NCOA6: variants seen among roughly 807,000 people sequenced by gnomAD.
The protein encoded by NCOA6 is nuclear receptor coactivator 6, also known as NRC RAP250.
Under a neutral mutation model 171.4 loss-of-function variants are expected in NCOA6, and 49 were observed. That is an observed-to-expected ratio of 0.29 (90% confidence interval 0.23 to 0.36). The LOEUF (loss-of-function observed/expected upper bound fraction) is 0.36, where lower values mean the gene tolerates loss of function less well. Among genes scored for constraint, NCOA6 ranks in the 10% least tolerant of loss-of-function variants. The pLI is 1.00. For synonymous variants in NCOA6, 910 were observed against 927.5 expected (o/e 0.98, Z 0.34); for missense variants, 2,248 against 2,554.5 (o/e 0.88, Z 2.59).
rs2075827056 is a variant in NCOA6 at position 34,732,779 on chromosome 20, GA to G, written c.5963-185del. 9.7e-6 allele frequency: 5 copies of G among 515,742 alleles called. No individual in the cohort carries two copies. In the Admixed American group the frequency reaches 1.4e-4, roughly 15 times the overall value. The allele number at this position is 515,742 out of a possible 1,614,324, so 31.9% of individuals were successfully genotyped here. ...ACAACTTGGTTTGTTTGGGACATAAGACACTTGGTCTATTTTTATTTCTACT... is the reference window on the plus strand; with the variant it reads ...ACAACTTGGTTTGTTTGGGACATAAGCACTTGGTCTATTTTTATTTCTACT... On this transcript the variant is annotated intron_variant, in intron 12 of 14. Transcript: ENST00000359003.
Position 34,727,288 on chromosome 20 carries a change from C to T in NCOA6, c.6119G>A (p.Arg2040Gln), listed in dbSNP as rs776618673. Reference protein sequence around the residue: ...VENGHRKRSSRPASASSSTKD... With the variant: ...VENGHRKRSSQPASASSSTKD... ...AGTAGAGCTGGAGGCTGAAGCAGGTCGAGAAGATCGTTTACGATGTCCATT... is the reference window on the plus strand; with the variant it reads ...AGTAGAGCTGGAGGCTGAAGCAGGTTGAGAAGATCGTTTACGATGTCCATT... The change falls in exon 14 of 15, where the codon CGA becomes CAA. Residue 2040 changes from arginine (R) to glutamine (Q), a missense_variant. By Grantham distance (43) the Arg-to-Gln change is conservative. Coordinates refer to ENST00000359003, the MANE Select transcript of NCOA6 (RefSeq NM_014071.5). 4 of 1,614,140 alleles carry T rather than the reference C, an allele frequency of 2.5e-6. No individual in the cohort carries two copies. The highest frequency in any genetic ancestry group is 2.5e-6 in the Non-Finnish European group (3 of 1,180,022).
intron 1 of NCOA6, among the ~76,000 whole-genome samples, chr20:34,804,983 T>C (rs181363636): frequency 2.2e-4 from 34 of 152,106 alleles, no homozygotes; most frequent in Admixed American, 2.0e-3. Context: ...TCTCTTTTTA[T>C]CCTTCCCCTG....
At chr20:34,805,291 C>T (rs2078410042) in intron 1 of NCOA6, among the ~76,000 whole-genome samples, 1 of 152,166 alleles carries the variant, frequency 6.6e-6, no homozygotes. Flanking sequence ...AATCCACCCA[C>T]CTGGGCCTCT....
At chr20:34,783,554 T>C (rs1481575236) in intron 2 of NCOA6, among the ~76,000 whole-genome samples, 1 of 152,226 alleles carries the variant, frequency 6.6e-6, no homozygotes, top group African/African-American at 2.4e-5. Flanking sequence ...AAAAATGGCA[T>C]GGAAACCTAA....
intron 9 of NCOA6, among the ~76,000 whole-genome samples, chr20:34,748,329 T>C (rs2076366360): frequency 6.6e-6 from 1 of 152,200 alleles, no homozygotes; most frequent in African/African-American, 2.4e-5. Flanking sequence ...ACACCATGAT[T>C]AGCTTTTAAA....
intron 1 of NCOA6, among the ~76,000 whole-genome samples, chr20:34,812,705 A>T (rs2078706600): frequency 6.6e-6 from 1 of 152,184 alleles, no homozygotes; most frequent in African/African-American, 2.4e-5. Context: ...CAAATGAATA[A>T]TACAAAAACA....
At chr20:34,788,111 C>A (rs1044463810) in intron 2 of NCOA6, among the ~76,000 whole-genome samples, 1 of 152,070 alleles carries the variant, frequency 6.6e-6, no homozygotes. Context: ...AAGCAATCCG[C>A]CCACCTTGGC....
rs777853315 is a variant in NCOA6, at chr20:34,749,684, C to T, written c.2511G>A (p.Gln837=). Residue 837 remains glutamine, a synonymous_variant, in exon 9 of 15, where the codon CAG becomes CAA. Coordinates refer to ENST00000359003, the MANE Select transcript of NCOA6 (RefSeq NM_014071.5). ...AGTGGTTTCCCGAGGCACTGTTTCCCTGCATGGCCTGCACATGAGGGGGGA... is the reference window on the plus strand; with the variant it reads ...AGTGGTTTCCCGAGGCACTGTTTCCTTGCATGGCCTGCACATGAGGGGGGA... ...NMVPPHVQAM[Q]GNSASGNHFS... 1.2e-6 allele frequency: 2 copies of T among 1,614,072 alleles called. No homozygotes were observed. The highest frequency in any genetic ancestry group is 2.7e-5 in the African/African-American group (2 of 74,934).
intron 1 of NCOA6, among the ~76,000 whole-genome samples, chr20:34,799,592 C>T (rs757642448): frequency 1.3e-5 from 2 of 151,954 alleles, no homozygotes; most frequent in African/African-American, 2.4e-5. Flanking sequence ...AGCAGCAAGA[C>T]AATAGAAACA....
chr20:34,796,003 ATTTTTTTT>A (rs569229378), intron 1 of NCOA6, among the ~76,000 whole-genome samples: 5 of 95,774 alleles, frequency 5.2e-5, no homozygotes, highest in Admixed American at 1.3e-4. Flanking sequence ...ATATGTTTGA[ATTTTTTTT>A]TTTTTTTTTT....
intron 12 of NCOA6, 21 bp from the exon 13 acceptor site, chr20:34,732,616 T>C (rs763806487): frequency 1.5e-5 from 24 of 1,609,636 alleles, no homozygotes; most frequent in Non-Finnish European, 2.0e-5. Context: ...ATATAAAGGA[T>C]AGAAATGAAA....
chr20:34,732,231 A>C (rs1280154821), intron 13 of NCOA6, among the ~76,000 whole-genome samples: 1 of 152,218 alleles, frequency 6.6e-6, no homozygotes, highest in Non-Finnish European at 1.5e-5. Flanking sequence ...AGCTGCAAGG[A>C]CTATTATTAA....
At chr20:34,815,213 CA>C (rs1555859856) in intron 1 of NCOA6, among the ~76,000 whole-genome samples, 153 of 140,438 alleles carry the variant, frequency 1.1e-3, no homozygotes, top group Admixed American at 1.5e-3. Flanking sequence ...TTCTCTACCC[CA>C]AAAAAAAAAA....
Position 34,793,997 on chromosome 20 carries a change from T to C in NCOA6, c.-163-1434A>G, listed in dbSNP as rs190609476. Among the ~76,000 whole-genome samples, 350 of 152,334 alleles carry C rather than the reference T, an allele frequency of 2.3e-3. 4 individuals are homozygous for C. Among genetic ancestry groups the C allele is most frequent in the African/African-American group, 8.0e-3 (333 of 41,574 alleles). On this transcript the variant is annotated intron_variant, in intron 1 of 14. Coordinates refer to ENST00000359003, the MANE Select transcript of NCOA6 (RefSeq NM_014071.5). ...GAAGCAAAAAACAATTTTTCACTCA[T>C]CAGATTAGCAAAACTCCAAAAATTT... is the stretch of plus-strand genomic sequence containing the variant.
chr20:34,726,843 G>T (rs1490783581), intron 14 of NCOA6, among the ~76,000 whole-genome samples: 2 of 150,678 alleles, frequency 1.3e-5, no homozygotes, highest in African/African-American at 4.9e-5. Flanking sequence ...TGCAATTCCA[G>T]CTTTGGAAGG....
intron 3 of NCOA6, among the ~76,000 whole-genome samples, chr20:34,778,797 A>G (rs549647537): frequency 6.6e-6 from 1 of 152,072 alleles, no homozygotes; most frequent in Non-Finnish European, 1.5e-5. Context: ...TCTCTACTAA[A>G]AAATACAAAA....
Position 34,758,861 on chromosome 20 carries a change from G to A in NCOA6, c.587C>T (p.Ala196Val). 6.2e-7 allele frequency: 1 copy of A among 1,613,644 alleles called. No homozygotes were observed. Among genetic ancestry groups the A allele is most frequent in the South Asian group, 1.1e-5 (1 of 90,974 alleles). The change falls in exon 6 of 15, where the codon GCA becomes GTA. Residue 196 changes from alanine (A) to valine (V), a missense_variant. Ala to Val is a moderately conservative substitution (Grantham distance 64, BLOSUM62 0). Around this residue, in one of 7 missense-constraint regions of NCOA6, gnomAD observed 987 missense variants for 1,104.7 expected, o/e 0.89. Coordinates refer to ENST00000359003, the MANE Select transcript of NCOA6 (RefSeq NM_014071.5). ...CTGCAGCTCTGGATTGGGGCCTGGT[G>A]CCATCATGGAAGATGACACATTTCC... is the stretch of plus-strand genomic sequence containing the variant. ...PGGNVSSSMM[A>V]PGPNPELQPR...
intron 14 of NCOA6, among the ~76,000 whole-genome samples, chr20:34,722,641 C>T (rs1177582328): frequency 2.0e-5 from 3 of 147,170 alleles, no homozygotes; most frequent in African/African-American, 7.6e-5. Flanking sequence ...GATCATGCCA[C>T]TGTACTCTAG....
At chr20:34,790,387 C>T (rs944595599) in intron 2 of NCOA6, among the ~76,000 whole-genome samples, 1 of 152,008 alleles carries the variant, frequency 6.6e-6, no homozygotes, top group African/African-American at 2.4e-5. Context: ...TGGAGTCTCG[C>T]TGTGTTGCCC....
Sources: gnomAD v4.1 joint callset for allele counts (sites outside exome capture counted in the v4.1 genomes callset) on GRCh38, gnomAD v4.1.1 for gene constraint, gnomAD v4.1.1 regional missense constraint, MANE v1.5 for transcripts, NCBI Gene and HGNC (gene_info 2026-07-23, HGNC 2026-07-21) for gene names.